MAF: variants seen among roughly 807,000 people sequenced by gnomAD.
MAF encodes MAF bZIP transcription factor.
In MAF, 10 loss-of-function variants were observed where a neutral mutation model predicts 22.0. The observed-to-expected ratio is 0.45, with a 90% CI of 0.28 to 0.77. MAF has a LOEUF of 0.77. MAF is among the 30% of genes least tolerant of loss of function. The pLI is 0.12. For missense variants in MAF, 544 were observed against 548.4 expected, an observed-to-expected ratio of 0.99 and a Z score of 0.08; for synonymous variants, 337 against 255.8, an observed-to-expected ratio of 1.32 and a Z score of -3.03.
At chr16:79,254,813 C>A in the MAF span, among the ~76,000 whole-genome samples, 4 of 152,302 alleles carry the variant, frequency 2.6e-5, no homozygotes, top group South Asian at 4.1e-4. Flanking sequence ...ACGCACCAAC[C>A]TTTTGTTTCA....
chr16:79,543,859 T>G, the MAF span, among the ~76,000 whole-genome samples: 1 of 151,994 alleles, frequency 6.6e-6, no homozygotes, highest in African/African-American at 2.4e-5. Context: ...GCTAATTTTT[T>G]ATATTTTTAG....
At chr16:79,229,793 C>T in the MAF span, among the ~76,000 whole-genome samples, 1 of 152,036 alleles carries the variant, frequency 6.6e-6, no homozygotes, top group Non-Finnish European at 1.5e-5. Context: ...GTGAAAGATG[C>T]GGAGTTTAAT....
the MAF span, among the ~76,000 whole-genome samples, chr16:79,355,220 C>T: frequency 5.3e-5 from 8 of 152,170 alleles, no homozygotes; most frequent in Admixed American, 2.6e-4. Flanking sequence ...CACAACTTTC[C>T]CTGCTGGAAA....
chr16:79,506,080 C>G, the MAF span, among the ~76,000 whole-genome samples: 4 of 152,162 alleles, frequency 2.6e-5, no homozygotes, highest in African/African-American at 7.2e-5. Context: ...AAGGATGTCT[C>G]TCCTACTGAG....
chr16:79,455,316 A>C, the MAF span, among the ~76,000 whole-genome samples: 1 of 152,158 alleles, frequency 6.6e-6, no homozygotes, highest in African/African-American at 2.4e-5. Flanking sequence ...ATAAATAAAT[A>C]AATAAATGGC....
chr16:79,231,907 C>T, the MAF span, among the ~76,000 whole-genome samples: 2 of 151,932 alleles, frequency 1.3e-5, no homozygotes, highest in Non-Finnish European at 2.9e-5. Context: ...CTAGACGGTC[C>T]CATCTGTGGG....
chr16:79,372,381 A>G, the MAF span, among the ~76,000 whole-genome samples: 1 of 152,222 alleles, frequency 6.6e-6, no homozygotes, highest in Non-Finnish European at 1.5e-5. Flanking sequence ...CCCACTGAAT[A>G]GGGATAAATG....
In MAF at chr16:79,599,651, C is replaced by A. The variant is rs1341194954; in HGVS notation, c.252G>T (p.Gln84His). ...SAPSPGSGSE[Q>H]KAHLEDYYWM... is the part of the protein sequence containing the mutation. ...AGTAGTAGTCTTCCAGGTGCGCCTT[C>A]TGCTCGCTGCCCGAGCCCGGGCTGG... The change falls in exon 1 of 2, where the codon CAG (glutamine) becomes CAT (histidine). Residue 84 changes from glutamine to histidine, a missense_variant. By Grantham distance (24) the Gln-to-His change is conservative. Transcript: ENST00000326043. 2 of 1,611,870 alleles carry A rather than the reference C, an allele frequency of 1.2e-6. No individual in the cohort carries two copies. The highest frequency in any genetic ancestry group is 1.7e-6 in the Non-Finnish European group (2 of 1,179,614).
the MAF span, among the ~76,000 whole-genome samples, chr16:79,499,419 T>C: frequency 2.6e-5 from 4 of 152,216 alleles, no homozygotes; most frequent in East Asian, 3.9e-4. Flanking sequence ...CAAAAGCCCA[T>C]GGCATAGAAG....
chr16:79,421,060 G>C, the MAF span, among the ~76,000 whole-genome samples: 3 of 151,852 alleles, frequency 2.0e-5, no homozygotes, highest in African/African-American at 7.2e-5. Flanking sequence ...AATTGAGAGA[G>C]AGAGATTTAT....
the MAF span, among the ~76,000 whole-genome samples, chr16:79,247,822 C>G: frequency 1.2e-4 from 19 of 152,284 alleles, no homozygotes; most frequent in African/African-American, 4.6e-4. Flanking sequence ...AAGATACTGT[C>G]ATAGCACATC....
chr16:79,266,857 T>A, the MAF span, among the ~76,000 whole-genome samples: 1 of 152,182 alleles, frequency 6.6e-6, no homozygotes. Flanking sequence ...GTAATGCTCA[T>A]GAAGAGGAGA....
At chr16:79,267,428 G>A in the MAF span, among the ~76,000 whole-genome samples, 3 of 152,188 alleles carry the variant, frequency 2.0e-5, no homozygotes, top group Non-Finnish European at 4.4e-5. Context: ...GTGTGTGTAC[G>A]TGTGTGGTAT....
the MAF span, among the ~76,000 whole-genome samples, chr16:79,414,985 C>T: frequency 1.3e-5 from 2 of 152,320 alleles, no homozygotes; most frequent in South Asian, 2.1e-4. Context: ...TCTGCACCAG[C>T]TCTTGAATGC....
At chr16:79,355,353 C>T in the MAF span, among the ~76,000 whole-genome samples, 182 of 152,318 alleles carry the variant, frequency 1.2e-3, no homozygotes, top group Non-Finnish European at 2.1e-3. Flanking sequence ...AGGCTGTGGT[C>T]GTCCTGTCCC....
At chr16:79,364,500 C>T in the MAF span, among the ~76,000 whole-genome samples, 153 of 152,214 alleles carry the variant, frequency 1.0e-3, 1 homozygote, top group African/African-American at 2.7e-3. Flanking sequence ...GGTCCCAGAA[C>T]GGGGATGAAG....
the MAF span, among the ~76,000 whole-genome samples, chr16:79,240,133 C>A: frequency 3.3e-5 from 5 of 151,606 alleles, no homozygotes; most frequent in Admixed American, 2.0e-4. Context: ...GGTTTAGGGT[C>A]CCATGGCGGG....
chr16:79,597,731 C>A lies in MAF; in HGVS notation c.1118+1054G>T, dbSNP rs970236532. 1.2e-5 allele frequency: 12 copies of A among 1,018,462 alleles called. No individual in the cohort carries two copies. The African/African-American group carries it at 1.6e-4, about 13-fold the overall frequency. The allele number at this position is 1,018,462 out of a possible 1,614,324, so 63.1% of individuals were successfully genotyped here. ...GAATGCCATGCTATAAGTCTTCGAA[C>A]GTCCATTTCCAAGCCAAAAGGAAAA... On this transcript the variant is annotated intron_variant, in intron 1 of 1. Transcript: ENST00000326043.
chr16:79,242,240 C>G, the MAF span, among the ~76,000 whole-genome samples: 2 of 151,636 alleles, frequency 1.3e-5, no homozygotes, highest in East Asian at 1.9e-4. Flanking sequence ...AAGACACAGG[C>G]TGGCAAATTG....
Sources: allele counts gnomAD v4.1 joint callset (sites outside exome capture counted in the v4.1 genomes callset), GRCh38; gene constraint gnomAD v4.1.1; transcripts MANE v1.5; gene names NCBI Gene and HGNC (gene_info 2026-07-23, HGNC 2026-07-21).